Variants in EPHB1 observed in about 807,000 individuals in gnomAD.
EPHB1 encodes EPH receptor B1.
In EPHB1, 30 loss-of-function variants were observed where a neutral mutation model predicts 94.4. The ratio of observed to expected loss-of-function variants is 0.32; its 90% CI spans 0.24 to 0.43. EPHB1 has a LOEUF of 0.43. Among genes scored for constraint, EPHB1 ranks in the 20% least tolerant of loss-of-function variants. The pLI is 1.00. For missense variants in EPHB1, 1,055 were observed against 1,308.3 expected, an observed-to-expected ratio of 0.81 and a Z score of 2.99; for synonymous variants, 522 against 489.1, an observed-to-expected ratio of 1.07 and a Z score of -0.89.
intron 3 of EPHB1, among the ~76,000 whole-genome samples, chr3:135,056,795 G>A (rs1937362065): frequency 6.6e-6 from 1 of 152,186 alleles, no homozygotes; most frequent in African/African-American, 2.4e-5. Context: ...TGTGTGGTAG[G>A]AGGCTGGGCT....
chr3:135,154,111 G>A, intron 5 of EPHB1, 41 bp from the exon 6 acceptor site: 1 of 1,612,440 alleles, frequency 6.2e-7, no homozygotes, highest in Non-Finnish European at 8.5e-7. Flanking sequence ...CCCTATAATT[G>A]AGTGTCTGTT....
chr3:135,104,508 C>T (rs139907801), intron 3 of EPHB1, among the ~76,000 whole-genome samples: 86 of 152,170 alleles, frequency 5.7e-4, no homozygotes, highest in Admixed American at 2.4e-3. Context: ...TTACATGGTT[C>T]GCAACTGACA....
chr3:135,164,284 T>C (rs1348627685), intron 7 of EPHB1, among the ~76,000 whole-genome samples: 4 of 152,202 alleles, frequency 2.6e-5, no homozygotes, highest in Non-Finnish European at 5.9e-5. Context: ...AATGGGAGGC[T>C]TCAAGAACCA....
intron 2 of EPHB1, among the ~76,000 whole-genome samples, chr3:134,926,654 T>C (rs1439923626): frequency 6.6e-6 from 1 of 152,140 alleles, no homozygotes; most frequent in Non-Finnish European, 1.5e-5. Flanking sequence ...GAGATGGGGC[T>C]GGAGGGTAAG....
At chr3:135,056,263 C>T (rs1937344044) in intron 3 of EPHB1, among the ~76,000 whole-genome samples, 1 of 152,234 alleles carries the variant, frequency 6.6e-6, no homozygotes, top group Non-Finnish European at 1.5e-5. Context: ...GGAGCTGGTG[C>T]TCTGGGAACC....
intron 3 of EPHB1, among the ~76,000 whole-genome samples, chr3:135,039,666 G>A (rs1464076323): frequency 1.3e-5 from 2 of 152,234 alleles, no homozygotes; most frequent in African/African-American, 4.8e-5. Flanking sequence ...GCAGCCACTG[G>A]CCCGGCTGCT....
At chr3:134,914,937 C>T (rs78290048) in intron 1 of EPHB1, among the ~76,000 whole-genome samples, 1 of 152,164 alleles carries the variant, frequency 6.6e-6, no homozygotes, top group East Asian at 1.9e-4. Flanking sequence ...GTGAAGGGGC[C>T]CAGTGGATGC....
chr3:134,816,675 C>A (rs906770323), intron 1 of EPHB1, among the ~76,000 whole-genome samples: 1 of 151,918 alleles, frequency 6.6e-6, no homozygotes, highest in Non-Finnish European at 1.5e-5. Flanking sequence ...ATCCCTAAAT[C>A]ATTCTTCTGC....
rs139114419 is a variant in EPHB1 at position 135,156,911 on chromosome 3, C to T, written c.1422+2635C>T. ...CATCAGAGTTGGCCTAACAAGGGTC[C>T]ACCCAGTCCCCCTTCCCACACATAT... On this transcript the variant is annotated intron_variant, in intron 6 of 15. Transcript: ENST00000398015. Among the ~76,000 whole-genome samples the T allele has an allele frequency of 7.2e-5, 11 of 152,294 alleles. No homozygotes were observed. In the East Asian group the frequency reaches 2.1e-3, roughly 29 times the overall value.
At chr3:134,915,910 G>C (rs545145658) in intron 1 of EPHB1, among the ~76,000 whole-genome samples, 7 of 152,170 alleles carry the variant, frequency 4.6e-5, no homozygotes, top group Admixed American at 1.3e-4. Context: ...GAGGGGACCC[G>C]AATGGGTTGC....
chr3:134,935,971 AT>A (rs1255366098), intron 2 of EPHB1, among the ~76,000 whole-genome samples: 1 of 152,116 alleles, frequency 6.6e-6, no homozygotes, highest in Non-Finnish European at 1.5e-5. Context: ...CCAAAGTTCC[AT>A]TTCCAAAGAG....
At chr3:134,831,349 C>T (rs1034959873) in intron 1 of EPHB1, among the ~76,000 whole-genome samples, 1 of 152,206 alleles carries the variant, frequency 6.6e-6, no homozygotes, top group African/African-American at 2.4e-5. Context: ...GATTCTAGAA[C>T]AGCTGCCCAA....
chr3:134,827,037 T>A (rs2036492744), intron 1 of EPHB1, among the ~76,000 whole-genome samples: 1 of 152,224 alleles, frequency 6.6e-6, no homozygotes. Flanking sequence ...TTCCCTCCAG[T>A]GAGTTCTCTG....
intron 3 of EPHB1, among the ~76,000 whole-genome samples, chr3:135,071,906 T>G (rs1249176205): frequency 6.6e-6 from 1 of 152,222 alleles, no homozygotes; most frequent in Non-Finnish European, 1.5e-5. Flanking sequence ...ATCCAGTTGC[T>G]GAATGAAGAA....
chr3:135,235,953 G>A (rs1008797190), intron 12 of EPHB1, among the ~76,000 whole-genome samples: 6 of 152,130 alleles, frequency 3.9e-5, no homozygotes, highest in African/African-American at 1.4e-4. Context: ...AAGTCCTCTT[G>A]CCCCCTAATA....
At chr3:134,904,715 A>G (rs2038282042) in intron 1 of EPHB1, among the ~76,000 whole-genome samples, 1 of 152,176 alleles carries the variant, frequency 6.6e-6, no homozygotes, top group Non-Finnish European at 1.5e-5. Context: ...GGGGAAGTGA[A>G]TTCTACAGCT....
chr3:134,884,053 C>T (rs2037813856), intron 1 of EPHB1, among the ~76,000 whole-genome samples: 1 of 152,232 alleles, frequency 6.6e-6, no homozygotes, highest in Admixed American at 6.5e-5. Flanking sequence ...AACCCAGGTC[C>T]ATCCGTGCTA....
intron 11 of EPHB1, among the ~76,000 whole-genome samples, chr3:135,193,443 A>G (rs16842779): frequency 0.086 from 13,069 of 152,278 alleles, 1,888 homozygotes; most frequent in African/African-American, 0.29. Flanking sequence ...ATATGCCCAA[A>G]GTAGAGCCAG....
chr3:135,137,313 C>A (rs1185707461), intron 5 of EPHB1, among the ~76,000 whole-genome samples: 9 of 152,146 alleles, frequency 5.9e-5, no homozygotes, highest in Non-Finnish European at 1.3e-4. Flanking sequence ...GTTGCATGCC[C>A]AGCACTGCCT....
Sources: allele counts gnomAD v4.1 joint callset (sites outside exome capture counted in the v4.1 genomes callset), GRCh38; gene constraint gnomAD v4.1.1; transcripts MANE v1.5; gene names NCBI Gene and HGNC (gene_info 2026-07-23, HGNC 2026-07-21).